Variants in NBPF12 observed in about 807,000 individuals in gnomAD.
NBPF12 encodes the protein NBPF family member NBPF12.
NBPF12 carries 115 observed loss-of-function variants against 146.4 expected under a neutral mutation model. The observed-to-expected ratio is 0.79, with a 90% confidence interval of 0.68 to 0.92. The LOEUF (loss-of-function observed/expected upper bound fraction) is 0.92, where lower values mean the gene tolerates loss of function less well. NBPF12 is among the 40% of genes least tolerant of loss of function. The pLI is 0.00. For synonymous variants in NBPF12, 385 were observed against 508.9 expected (o/e 0.76, Z 3.28); for missense variants, 1,205 against 1,326.8 (o/e 0.91, Z 1.43).
At chr1:146,987,456 C>T (rs1657843009) in intron 25 of NBPF12, among the ~76,000 whole-genome samples, 171 bp downstream of exon 28, 1 of 152,080 alleles carries the variant, frequency 6.6e-6, no homozygotes, top group Non-Finnish European at 1.5e-5. Context: ...GTTTCCATTT[C>T]TTCCTCCCCT....
chr1:146,955,013 T>TATATATATATAC (rs1411814328), intron 2 of NBPF12, among the ~76,000 whole-genome samples: 4 of 67,498 alleles, frequency 5.9e-5, no homozygotes, highest in Non-Finnish European at 8.5e-5. Context: ...TATATATATA[T>TATATATATATAC]ACACACACAC....
At chr1:146,963,443 G>C (rs1655991686) in intron 6 of NBPF12, 134 bp downstream of exon 9, 2 of 1,580,702 alleles carry the variant, frequency 1.3e-6, no homozygotes, top group Admixed American at 3.5e-5. Context: ...ACATGATCAG[G>C]ACTTCCTGGG....
chr1:146,994,945 A>T (rs1285272267), exon 34 of NBPF12: 2 of 355,114 alleles, frequency 5.6e-6, no homozygotes, highest in African/African-American at 2.1e-5. Context: ...AGTTCATCCA[A>T]AGGTGTTACC....
chr1:146,962,421 A>C (rs1223017799), intron 5 of NBPF12, among the ~76,000 whole-genome samples, 158 bp downstream of exon 8: 1 of 119,800 alleles, frequency 8.3e-6, no homozygotes, highest in South Asian at 2.3e-4. Flanking sequence ...GAGAACAAGG[A>C]TAATAATAAG....
chr1:146,994,749 A>T (rs1570907722), exon 34 of NBPF12: 4 of 1,097,864 alleles, frequency 3.6e-6, no homozygotes, highest in East Asian at 2.6e-5. Context: ...CAGTCTGAAG[A>T]CAATGGACCC....
intron 10 of NBPF12, 65 bp downstream of exon 13, chr1:146,968,615 G>C (rs1553885940): frequency 6.8e-7 from 1 of 1,475,360 alleles, no homozygotes; most frequent in Non-Finnish European, 9.4e-7. Flanking sequence ...ACAACAGCTC[G>C]GTGGGGAGAC....
At chr1:146,942,420 T>C (rs1654848666) in intron 1 of NBPF12, among the ~76,000 whole-genome samples, 1 of 151,858 alleles carries the variant, frequency 6.6e-6, no homozygotes. Context: ...TCATTTTCAA[T>C]ATAAGCTCCT....
intron 18 of NBPF12, among the ~76,000 whole-genome samples, chr1:146,978,260 A>ATTTTTTTTTTTTTTTTTTT (rs1187524068): frequency 1.2e-5 from 1 of 83,922 alleles, no homozygotes; most frequent in African/African-American, 4.8e-5. Context: ...AGCGTCGTAG[A>ATTTTTTTTTTTTTTTTTTT]TTTTTTTTTT....
intron 8 of NBPF12, among the ~76,000 whole-genome samples, 181 bp downstream of exon 11, chr1:146,965,285 A>G (rs1366087133): frequency 1.1e-4 from 16 of 151,178 alleles, no homozygotes; most frequent in Admixed American, 9.2e-4. Flanking sequence ...GGATGACTTG[A>G]GTTCAGGAGT....
intron 21 of NBPF12, among the ~76,000 whole-genome samples, chr1:146,984,490 G>A (rs1163245844): frequency 2.7e-5 from 4 of 150,460 alleles, no homozygotes; most frequent in Admixed American, 2.6e-4. Flanking sequence ...CATGATCACT[G>A]TTCACTGTGT....
intron 2 of NBPF12, among the ~76,000 whole-genome samples, chr1:146,953,125 A>G (rs1321752721): frequency 3.8e-5 from 5 of 133,032 alleles, no homozygotes; most frequent in African/African-American, 1.5e-4. Flanking sequence ...TCAGAACAAC[A>G]GGATTCTGGA....
At chr1:146,949,987 A>G (rs1287732059) in intron 1 of NBPF12, among the ~76,000 whole-genome samples, 4 of 151,968 alleles carry the variant, frequency 2.6e-5, no homozygotes, top group African/African-American at 7.3e-5. Flanking sequence ...TAACCTCACC[A>G]TCTTAAAGTC....
intron 18 of NBPF12, among the ~76,000 whole-genome samples, 157 bp downstream of exon 21, chr1:146,977,828 CAT>C (rs1323184156): frequency 2.0e-5 from 3 of 152,052 alleles, no homozygotes; most frequent in African/African-American, 7.3e-5. Context: ...CAGCTAATGT[CAT>C]GCCTTTGTCT....
chr1:146,959,862 G>T, exon 3 of NBPF12: 1 of 151,318 alleles, frequency 6.6e-6, no homozygotes, highest in East Asian at 1.4e-4. Context: ...ACTGCAGACG[G>T]TTACCTGGCA....
At chr1:146,946,512 C>CTTT (rs3071268), upstream of NBPF12, among the ~76,000 whole-genome samples, 71 of 41,040 alleles carry the variant, frequency 1.7e-3, 2 homozygotes, top group African/African-American at 6.3e-3. Context: ...GATCTTTCAC[C>CTTT]TTTTTTTTTT....
chr1:146,955,884 C>T (rs1439564669), intron 2 of NBPF12, among the ~76,000 whole-genome samples: 3 of 151,332 alleles, frequency 2.0e-5, no homozygotes, highest in Admixed American at 1.3e-4. Flanking sequence ...GTTAAGAATG[C>T]CTTCGTTATT....
At chr1:146,963,043 C>G in intron 5 of NBPF12, 52 bp from the exon 9 acceptor site, 1 of 1,607,432 alleles carries the variant, frequency 6.2e-7, no homozygotes, top group East Asian at 2.2e-5. Flanking sequence ...AATATTTGAA[C>G]GGATCACTCA....
chr1:146,945,188 T>C (rs1654996825), upstream of NBPF12, among the ~76,000 whole-genome samples: 1 of 151,492 alleles, frequency 6.6e-6, no homozygotes, highest in Non-Finnish European at 1.5e-5. Context: ...TGTTCTACTA[T>C]TTTAAATAGA....
At chr1:146,963,368 C>A in intron 6 of NBPF12, 59 bp downstream of exon 9, 2 of 1,588,008 alleles carry the variant, frequency 1.3e-6, no homozygotes, top group East Asian at 2.2e-5. Flanking sequence ...GGCTCCAGAC[C>A]TCCATACTTT....
Sources: allele counts gnomAD v4.1 joint callset (sites outside exome capture counted in the v4.1 genomes callset), GRCh38; gene constraint gnomAD v4.1.1; transcripts MANE v1.5; gene names NCBI Gene and HGNC (gene_info 2026-07-23, HGNC 2026-07-21).